Variants in THBS3 observed in about 807,000 individuals in gnomAD.
THBS3 encodes the protein thrombospondin-3.
In THBS3, 78 loss-of-function variants were observed where a neutral mutation model predicts 118.3. The observed-to-expected ratio is 0.66, with a 90% CI of 0.55 to 0.80. The LOEUF is 0.80. Among genes scored for constraint, THBS3 ranks in the 30% least tolerant of loss-of-function variants. THBS3 has a pLI of 0.00. For synonymous variants in THBS3, 427 were observed against 475.3 expected (o/e 0.90, Z 1.32); for missense variants, 1,057 against 1,247.4 (o/e 0.85, Z 2.30).
At chr1:155,198,717 T>A in intron 16 of THBS3, 115 bp from the exon 17 acceptor site, 2 of 1,030,100 alleles carry the variant, frequency 1.9e-6, no homozygotes, top group Non-Finnish European at 2.9e-6. Flanking sequence ...CCCCTGGCAG[T>A]CAGCCAGGTG....
upstream of THBS3, chr1:155,208,733 A>G: frequency 1.6e-6 from 1 of 633,136 alleles, no homozygotes; most frequent in Non-Finnish European, 2.2e-6. Context: ...GGCCGCCGCC[A>G]CCGCCCCTGT....
rs1669966426 is a variant in THBS3, at chr1:155,202,728, C to G, written c.957+84G>C. 1 of 1,521,528 alleles carries G rather than the reference C, an allele frequency of 6.6e-7. No homozygotes were observed. The highest frequency in any genetic ancestry group is 1.4e-5 in the African/African-American group (1 of 72,236). The allele number at this position is 1,521,528 out of a possible 1,614,324, so 94.3% of individuals were successfully genotyped here. A position where few individuals can be genotyped will look rare whatever the true frequency, so the allele number is the denominator to read the frequency against. On this transcript the variant is annotated intron_variant, in intron 8 of 22. Coordinates refer to ENST00000368378, the MANE Select transcript of THBS3 (RefSeq NM_007112.5). The surrounding 1 kb of genome is among the most constrained non-coding windows in gnomAD (Gnocchi z 5.5). ...AAACTCCAGATTCCTCTCCTCCGGA[C>G]CAGCATTTATCCCACCCTCTTGGGT...
chr1:155,209,024 C>A, upstream of THBS3: 1 of 1,573,360 alleles, frequency 6.4e-7, no homozygotes. Context: ...AGCGCTGTCC[C>A]GCTACGTGGG....
chr1:155,199,841 C>A lies in THBS3; in HGVS notation c.1843G>T (p.Asp615Tyr). 6.2e-7 allele frequency: 1 copy of A among 1,614,234 alleles called. No homozygotes were observed. Among genetic ancestry groups the A allele is most frequent in the Non-Finnish European group, 8.5e-7 (1 of 1,180,032 alleles). ...GTATCACAGACATCCCCCACCAGGT[C>A]GCTGTCTGCATCTGTCTGAGAGAGA... is the stretch of plus-strand genomic sequence containing the variant. ...SNPTQTDADS[D>Y]LVGDVCDTNE... is the part of the protein sequence containing the mutation. The change falls in exon 16 of 23, where the codon GAC (aspartate) becomes TAC (tyrosine). Residue 615 changes from aspartate to tyrosine, a missense_variant. This residue lies in a region of THBS3 where 544 missense variants were observed against 715.6 expected (regional missense o/e 0.76). Coordinates refer to ENST00000368378, the MANE Select transcript of THBS3 (RefSeq NM_007112.5).
At chr1:155,201,034 T>G (rs750397207) in intron 12 of THBS3, 30 bp from the exon 13 acceptor site, 2 of 1,614,056 alleles carry the variant, frequency 1.2e-6, no homozygotes, top group African/African-American at 2.7e-5. Flanking sequence ...GATGGATGAG[T>G]TCTGGCCTGA....
At position 155,201,089 on chromosome 1, in the gene THBS3, T is replaced by C; in HGVS notation, c.1440+5A>G. On this transcript the variant is annotated splice_donor_5th_base_variant and intron_variant, in intron 12 of 22. Coordinates refer to ENST00000368378, the MANE Select transcript of THBS3 (RefSeq NM_007112.5). ...TACGCCCCCTTGCCCGCCTGCTCCC[T>C]GCACCTGTTTGCAGTGTTTGTTGTT... is the stretch of plus-strand genomic sequence containing the variant. 6 of 1,614,194 alleles carry C rather than the reference T, an allele frequency of 3.7e-6. No individual in the cohort carries two copies. The highest frequency in any genetic ancestry group is 5.1e-6 in the Non-Finnish European group (6 of 1,180,034).
At position 155,206,547 on chromosome 1, in the gene THBS3, G is replaced by A. The variant is rs1670570582; in HGVS notation, c.80-141C>T. ...ATTCAACCCTTGGCTGGGCATGGTGGCTCGCACCTGTAATCCCAACACCTT... is the reference window on the plus strand; with the variant it reads ...ATTCAACCCTTGGCTGGGCATGGTGACTCGCACCTGTAATCCCAACACCTT... On this transcript the variant is annotated intron_variant, in intron 1 of 22. Coordinates refer to ENST00000368378, the MANE Select transcript of THBS3 (RefSeq NM_007112.5). This position sits in a 1 kb window ranked among gnomAD's most constrained non-coding sequence, Gnocchi z 4.2. 4 of 718,982 alleles carry A rather than the reference G, an allele frequency of 5.6e-6. No individual in the cohort carries two copies. Among genetic ancestry groups the A allele is most frequent in the South Asian group, 5.1e-5 (3 of 58,670 alleles). 44.5% of individuals were successfully genotyped at this position (718,982 alleles called of 1,614,324 possible).
In THBS3 at chr1:155,206,507, G is replaced by A. The variant is rs1007045190; in HGVS notation, c.80-101C>T. ...CCCCCTACCCCCACCACCAGGCAGC[G>A]TTAGTCACCTCAAAATTCAACCCTT... On this transcript the variant is annotated intron_variant, in intron 1 of 22. Coordinates refer to ENST00000368378, the MANE Select transcript of THBS3 (RefSeq NM_007112.5). The surrounding 1 kb of genome is among the most constrained non-coding windows in gnomAD (Gnocchi z 4.2). The A allele has an allele frequency of 1.5e-5, 15 of 1,025,836 alleles. No individual in the cohort carries two copies. The highest frequency in any genetic ancestry group is 4.8e-5 in the African/African-American group (3 of 62,952). 63.5% of individuals were successfully genotyped at this position (1,025,836 alleles called of 1,614,324 possible). A position where few individuals can be genotyped will look rare whatever the true frequency, so the allele number is the denominator to read the frequency against.
Position 155,205,071 on chromosome 1 carries a change from A to G in THBS3, c.532T>C (p.Leu178=). ...LEIRTGQKAY[L]RMQGFVESMK... ...TCCTCCCGGCTCACCTGCATCCTCA[A>G]ATACGCCTTCTGTCCAGTCCTAATC... The change falls in exon 3 of 23, where the codon TTG becomes CTG. Residue 178 remains leucine (L), a synonymous_variant. Coordinates refer to ENST00000368378, the MANE Select transcript of THBS3 (RefSeq NM_007112.5). 1 of 1,613,484 alleles carries G rather than the reference A, an allele frequency of 6.2e-7. No homozygotes were observed. The highest frequency in any genetic ancestry group is 8.5e-7 in the Non-Finnish European group (1 of 1,179,626).
chr1:155,197,550 G>A lies in THBS3; in HGVS notation c.2412C>T (p.Phe804=), dbSNP rs1668884133. The A allele has an allele frequency of 1.2e-6, 2 of 1,614,074 alleles. No individual in the cohort carries two copies. Among genetic ancestry groups the A allele is most frequent in the Non-Finnish European group, 1.7e-6 (2 of 1,180,010 alleles). The change falls in exon 20 of 23, where the codon TTC becomes TTT. Residue 804 remains phenylalanine, a synonymous_variant. Coordinates refer to ENST00000368378, the MANE Select transcript of THBS3 (RefSeq NM_007112.5). This position sits in a 1 kb window ranked among gnomAD's most constrained non-coding sequence, Gnocchi z 5.0. ...FLFSYQDSGR[F]YVVMWKQTEQ... is the part of the protein sequence containing the mutation. Reference sequence around the variant, plus strand: ...CGGTCTGCTTCCACATGACTACGTAGAAGCGGCCACTGTCTTGATAACTGA... The same window carrying A: ...CGGTCTGCTTCCACATGACTACGTAAAAGCGGCCACTGTCTTGATAACTGA...
In THBS3 at chr1:155,197,476, C is replaced by T; in HGVS notation, c.2486G>A (p.Gly829Glu). ...ATPFRAVAQP[G>E]LQLKAVTSVS... ...GCAGCTGGGGACCTTGAGCTGCAGCCCGGGCTGGGCAACCGCCCGGAAGGG... is the reference window on the plus strand; with the variant it reads ...GCAGCTGGGGACCTTGAGCTGCAGCTCGGGCTGGGCAACCGCCCGGAAGGG... Residue 829 changes from glycine to glutamate, a missense_variant, in exon 20 of 23, where the codon GGG becomes GAG. This residue lies in a region of THBS3 where 307 missense variants were observed against 326.1 expected (regional missense o/e 0.94). Transcript: ENST00000368378. This position sits in a 1 kb window ranked among gnomAD's most constrained non-coding sequence, Gnocchi z 5.0. 6.2e-7 allele frequency: 1 copy of T among 1,613,010 alleles called. No individual in the cohort carries two copies. The highest frequency in any genetic ancestry group is 8.5e-7 in the Non-Finnish European group (1 of 1,179,944).
At position 155,206,346 on chromosome 1, in the gene THBS3, C is replaced by G. The variant is rs771832849; in HGVS notation, c.140G>C (p.Arg47Pro). 3 of 1,613,942 alleles carry G rather than the reference C, an allele frequency of 1.9e-6. No individual in the cohort carries two copies. The Admixed American group carries it at 5.0e-5, about 27-fold the overall frequency. The change falls in exon 2 of 23, where the codon CGG (arginine) becomes CCG (proline). Residue 47 changes from arginine to proline, a missense_variant. Physicochemically the swap from Arg to Pro is moderately radical, Grantham distance 103. This residue lies in a region of THBS3 where 206 missense variants were observed against 205.7 expected (regional missense o/e 1.00). Transcript: ENST00000368378. The surrounding 1 kb of genome is among the most constrained non-coding windows in gnomAD (Gnocchi z 4.2). The part of the protein sequence containing the change: ...RQMVAVAEKI[R>P]TALLTAGDIY... ...GTCCCCAGCAGTGAGCAAGGCTGTC[C>G]GGATCTTCTCTGCCACAGCTACCAT...
chr1:155,201,717 AG>A (rs1253952049), intron 10 of THBS3, 148 bp from the exon 11 acceptor site: 19 of 1,031,794 alleles, frequency 1.8e-5, no homozygotes, highest in Non-Finnish European at 2.7e-5. Context: ...ACAACCTTTC[AG>A]GGTGGATAAC....
upstream of THBS3, among the ~76,000 whole-genome samples, chr1:155,208,417 C>T (rs867614405): frequency 1.1e-4 from 16 of 152,220 alleles, no homozygotes; most frequent in African/African-American, 3.1e-4. Flanking sequence ...CTCCATTTTC[C>T]CTCATTCGTA....
At chr1:155,196,878 C>T (rs1557852255) in intron 21 of THBS3, 163 bp downstream of exon 21, 1 of 668,298 alleles carries the variant, frequency 1.5e-6, no homozygotes, top group Non-Finnish European at 2.5e-6. Flanking sequence ...GGAGGAGTGA[C>T]TTCACCAACA....
intron 11 of THBS3, 42 bp downstream of exon 11, chr1:155,201,375 C>T (rs541813116): frequency 1.3e-6 from 2 of 1,572,948 alleles, no homozygotes; most frequent in East Asian, 2.2e-5. Flanking sequence ...ACTCCTTTCC[C>T]CAGACCCTCC....
chr1:155,197,714 A>G lies in THBS3; in HGVS notation c.2303-55T>C. ...GCAGCAAAGCTACTGGCGGCCCATC[A>G]TGGGGTAAAGTTGGGAAGGGATGCC... is the stretch of plus-strand genomic sequence containing the variant. On this transcript the variant is annotated intron_variant, in intron 19 of 22. Transcript: ENST00000368378. This position sits in a 1 kb window ranked among gnomAD's most constrained non-coding sequence, Gnocchi z 5.0. The G allele has an allele frequency of 6.2e-7, 1 of 1,604,074 alleles. No homozygotes were observed. Among genetic ancestry groups the G allele is most frequent in the Non-Finnish European group, 8.5e-7 (1 of 1,172,388 alleles).
Position 155,197,387 on chromosome 1 carries a change from G to A in THBS3, c.2499+76C>T, listed in dbSNP as rs1668851241. On this transcript the variant is annotated intron_variant, in intron 20 of 22. Transcript: ENST00000368378. This position sits in a 1 kb window ranked among gnomAD's most constrained non-coding sequence, Gnocchi z 5.0. Reference sequence around the variant, plus strand: ...GGGTAAGAGGGTTCCCAGTCAAGCAGTGGGGGAGGCCCTGGGGCTGCAGAG... The same window carrying A: ...GGGTAAGAGGGTTCCCAGTCAAGCAATGGGGGAGGCCCTGGGGCTGCAGAG... 7 of 1,562,042 alleles carry A rather than the reference G, an allele frequency of 4.5e-6. No individual in the cohort carries two copies. In the South Asian group the frequency reaches 8.0e-5, roughly 18 times the overall value.
Position 155,202,129 on chromosome 1 carries a change from A to G in THBS3, c.1099-95T>C. On this transcript the variant is annotated intron_variant, in intron 9 of 22. Coordinates refer to ENST00000368378, the MANE Select transcript of THBS3 (RefSeq NM_007112.5). This position sits in a 1 kb window ranked among gnomAD's most constrained non-coding sequence, Gnocchi z 5.5. ...TATGGCCTTATCTGTGAACATCAAC[A>G]TTAAGCCCAGACCCAAAGCCGATGC... 1 of 1,606,508 alleles carries G rather than the reference A, an allele frequency of 6.2e-7. No individual in the cohort carries two copies. The highest frequency in any genetic ancestry group is 8.5e-7 in the Non-Finnish European group (1 of 1,174,892).
Sources: allele counts gnomAD v4.1 joint callset (sites outside exome capture counted in the v4.1 genomes callset), GRCh38; gene constraint gnomAD v4.1.1; regional missense constraint gnomAD v4.1.1; non-coding constraint Gnocchi (gnomAD v3.1); transcripts MANE v1.5; gene names NCBI Gene and HGNC (gene_info 2026-07-23, HGNC 2026-07-21).